Variants in IQCM observed in about 807,000 individuals in gnomAD.
The protein encoded by IQCM is IQ domain-containing protein M.
A neutral mutation model predicts 57.6 loss-of-function variants in IQCM; 45 were observed. That is an observed-to-expected ratio of 0.78 (90% CI 0.62 to 1.00). The LOEUF is 1.00. IQCM is among the 50% of genes least tolerant of loss of function. The pLI is 0.00. For synonymous variants in IQCM, 148 were observed against 158.9 expected, an observed-to-expected ratio of 0.93 and a Z score of 0.51; for missense variants, 468 against 511.6, an observed-to-expected ratio of 0.91 and a Z score of 0.82.
chr4:149,454,636 A>G (rs1171514564), intron 12 of IQCM, among the ~76,000 whole-genome samples: 2 of 152,088 alleles, frequency 1.3e-5, no homozygotes, highest in Non-Finnish European at 2.9e-5. Flanking sequence ...TTTTTAAAAA[A>G]TGTGGTTCAT....
At chr4:149,664,537 T>C (rs916451601) in intron 7 of IQCM, among the ~76,000 whole-genome samples, 2 of 152,166 alleles carry the variant, frequency 1.3e-5, no homozygotes. Context: ...TAGCATCATC[T>C]CTGTGCAATT....
intron 2 of IQCM, among the ~76,000 whole-genome samples, chr4:149,761,352 A>G (rs1170410083): frequency 6.6e-6 from 1 of 152,052 alleles, no homozygotes; most frequent in Non-Finnish European, 1.5e-5. Flanking sequence ...GATGCTCAAT[A>G]AGTTTGGGCA....
intron 6 of IQCM, among the ~76,000 whole-genome samples, chr4:149,683,340 AC>A (rs1174523813): frequency 6.6e-6 from 1 of 151,274 alleles, no homozygotes; most frequent in African/African-American, 2.4e-5. Context: ...TATAAATCTT[AC>A]ATAAATTTCT....
At position 149,766,587 on chromosome 4, in the gene IQCM, G is replaced by A. The variant is rs577684199; in HGVS notation, c.-48-23848C>T. Reference sequence around the variant, plus strand: ...GTAGTTTTGTATTGTCCCAAAGGCTGGGTCTACCCAATATAGAGATTACTA... The same window carrying A: ...GTAGTTTTGTATTGTCCCAAAGGCTAGGTCTACCCAATATAGAGATTACTA... On this transcript the variant is annotated intron_variant, in intron 2 of 13. Transcript: ENST00000636793. Among the ~76,000 whole-genome samples, 4 of 152,196 alleles carry A rather than the reference G, an allele frequency of 2.6e-5. No individual in the cohort carries two copies. In the South Asian group the frequency reaches 6.2e-4, roughly 24 times the overall value.
chr4:149,555,233 T>A (rs1749464890), intron 10 of IQCM, among the ~76,000 whole-genome samples: 1 of 151,962 alleles, frequency 6.6e-6, no homozygotes, highest in Non-Finnish European at 1.5e-5. Flanking sequence ...TTTTGTCTTT[T>A]AAAAAAAATA....
chr4:149,757,490 A>C (rs1034115667), intron 2 of IQCM, among the ~76,000 whole-genome samples: 2 of 152,166 alleles, frequency 1.3e-5, no homozygotes, highest in African/African-American at 4.8e-5. Flanking sequence ...AAAATTCCCA[A>C]GAAAATAAAT....
chr4:149,685,817 T>C (rs759299284), intron 6 of IQCM, among the ~76,000 whole-genome samples: 1 of 151,486 alleles, frequency 6.6e-6, no homozygotes, highest in African/African-American at 2.4e-5. Context: ...CTATTGTGTA[T>C]GTAATTTTAA....
chr4:149,503,818 C>A (rs993068286), intron 12 of IQCM, among the ~76,000 whole-genome samples: 2 of 151,794 alleles, frequency 1.3e-5, no homozygotes, highest in African/African-American at 4.8e-5. Context: ...ATCAAAATGT[C>A]TACATATAAA....
chr4:149,421,361 T>C (rs1734109973), intron 13 of IQCM, among the ~76,000 whole-genome samples: 2 of 151,848 alleles, frequency 1.3e-5, no homozygotes, highest in African/African-American at 4.8e-5. Flanking sequence ...CCACCAAAAA[T>C]ATGAAGAGAA....
chr4:149,439,064 A>G (rs1469447179), intron 12 of IQCM, among the ~76,000 whole-genome samples: 1 of 152,060 alleles, frequency 6.6e-6, no homozygotes. Flanking sequence ...AAACAGGCAC[A>G]TATTTTAAAT....
intron 7 of IQCM, among the ~76,000 whole-genome samples, chr4:149,651,654 A>T (rs959397654): frequency 1.3e-5 from 2 of 152,208 alleles, no homozygotes; most frequent in Non-Finnish European, 2.9e-5. Context: ...GTATAAAAAG[A>T]TATGACTGAT....
intron 12 of IQCM, among the ~76,000 whole-genome samples, chr4:149,505,391 T>A (rs886277331): frequency 1.3e-5 from 2 of 152,210 alleles, no homozygotes; most frequent in African/African-American, 4.8e-5. Flanking sequence ...ACGAATACTC[T>A]TAGAGTTTCC....
chr4:149,782,645 A>G (rs1278002094), intron 2 of IQCM, among the ~76,000 whole-genome samples: 2 of 151,858 alleles, frequency 1.3e-5, no homozygotes, highest in African/African-American at 2.4e-5. Context: ...GGGAAATACA[A>G]TAAGATTCAA....
At chr4:149,424,297 T>G (rs1346367635) in intron 13 of IQCM, among the ~76,000 whole-genome samples, 1 of 151,874 alleles carries the variant, frequency 6.6e-6, no homozygotes, top group African/African-American at 2.4e-5. Context: ...GATGTAAACA[T>G]ATTCTTTTTG....
chr4:149,669,395 G>C (rs1469347340), intron 7 of IQCM, among the ~76,000 whole-genome samples: 1 of 152,132 alleles, frequency 6.6e-6, no homozygotes, highest in Non-Finnish European at 1.5e-5. Flanking sequence ...CAGATGGGTA[G>C]ATTGTAAAAA....
chr4:149,446,265 T>C (rs1037294941), intron 12 of IQCM, among the ~76,000 whole-genome samples: 3 of 151,862 alleles, frequency 2.0e-5, no homozygotes, highest in African/African-American at 7.2e-5. Context: ...AAAAAAGCTG[T>C]CTTTAAAAAG....
At chr4:149,368,080 T>C (rs1045862950) in intron 13 of IQCM, among the ~76,000 whole-genome samples, 6 of 152,066 alleles carry the variant, frequency 3.9e-5, no homozygotes, top group African/African-American at 1.2e-4. Context: ...GATTTGTTTA[T>C]ATTATTTTTC....
At chr4:149,523,463 A>C (rs989670916) in intron 12 of IQCM, among the ~76,000 whole-genome samples, 7 of 152,200 alleles carry the variant, frequency 4.6e-5, no homozygotes, top group Non-Finnish European at 2.9e-5. Context: ...TTCACATGTC[A>C]CATAAAAGTA....
Position 149,404,787 on chromosome 4 carries a change from T to C in IQCM, c.1390+28609A>G, listed in dbSNP as rs149442899. ...ATTGTACAGAAAATATGTATACAAATATAAGGCTTTTTATAGCAAATGTTT... is the reference window on the plus strand; with the variant it reads ...ATTGTACAGAAAATATGTATACAAACATAAGGCTTTTTATAGCAAATGTTT... On this transcript the variant is annotated intron_variant, in intron 13 of 13. Transcript: ENST00000636793. 7.2e-5 allele frequency among the ~76,000 whole-genome samples: 11 copies of C among 152,160 alleles called. No homozygotes were observed. The East Asian group carries it at 1.9e-3, about 27-fold the overall frequency.
Sources: gnomAD v4.1 joint callset for allele counts (sites outside exome capture counted in the v4.1 genomes callset) on GRCh38, gnomAD v4.1.1 for gene constraint, MANE v1.5 for transcripts, NCBI Gene and HGNC (gene_info 2026-07-23, HGNC 2026-07-21) for gene names.